The following CHST9 variants were observed in gnomAD, a reference collection of about 807,000 sequenced individuals.
The protein encoded by CHST9 is carbohydrate sulfotransferase 9, also known as GalNAc-4-sulfotransferase 2.
CHST9 carries 41 observed loss-of-function variants against 44.4 expected under a neutral mutation model. The ratio of observed to expected loss-of-function variants is 0.92; its 90% confidence interval spans 0.72 to 1.20. The LOEUF (loss-of-function observed/expected upper bound fraction) is 1.20. CHST9 is among the 50% of genes most tolerant of loss of function. The pLI, the probability that CHST9 is intolerant of heterozygous loss-of-function variation, is 0.00. For missense variants in CHST9, 504 were observed against 516.5 expected (o/e 0.98, Z 0.23); for synonymous variants, 171 against 178.4 (o/e 0.96, Z 0.33).
At chr18:26,931,930 G>A (rs1269978547) in intron 5 of CHST9, among the ~76,000 whole-genome samples, 1 of 151,924 alleles carries the variant, frequency 6.6e-6, no homozygotes, top group African/African-American at 2.4e-5. Flanking sequence ...CTCCAAAATG[G>A]TATGTCTCTC....
At chr18:27,122,945 A>G (rs1036142103) in intron 2 of CHST9, among the ~76,000 whole-genome samples, 1 of 152,204 alleles carries the variant, frequency 6.6e-6, no homozygotes, top group Non-Finnish European at 1.5e-5. Context: ...TAACTTCCTC[A>G]TGGTTTAGGT....
intron 2 of CHST9, among the ~76,000 whole-genome samples, chr18:27,120,803 T>A (rs2058367984): frequency 6.6e-6 from 1 of 152,180 alleles, no homozygotes; most frequent in Admixed American, 6.5e-5. Flanking sequence ...GATGGGAAAC[T>A]CAGCCACTGA....
intron 2 of CHST9, among the ~76,000 whole-genome samples, chr18:27,121,505 G>T (rs2058374188): frequency 6.6e-6 from 1 of 152,186 alleles, no homozygotes; most frequent in East Asian, 1.9e-4. Flanking sequence ...TATGGCAGCT[G>T]GTACATAGGT....
intron 2 of CHST9, among the ~76,000 whole-genome samples, chr18:27,128,428 C>T (rs925720380): frequency 3.9e-5 from 6 of 152,098 alleles, no homozygotes; most frequent in African/African-American, 9.7e-5. Flanking sequence ...TGCCATGACG[C>T]CCGGCTAATT....
intron 4 of CHST9, among the ~76,000 whole-genome samples, chr18:26,949,911 G>A (rs1156718000): frequency 6.6e-6 from 1 of 152,156 alleles, no homozygotes; most frequent in Non-Finnish European, 1.5e-5. Flanking sequence ...AAGTACTGTG[G>A]GCAACCTCTG....
At chr18:27,080,165 A>G (rs1312874359) in intron 2 of CHST9, among the ~76,000 whole-genome samples, 2 of 152,122 alleles carry the variant, frequency 1.3e-5, no homozygotes, top group Non-Finnish European at 2.9e-5. Flanking sequence ...GCTGGCAAAT[A>G]CTAAAATGAC....
chr18:27,166,416 C>CT (rs1282082096), intron 1 of CHST9, among the ~76,000 whole-genome samples: 1 of 152,110 alleles, frequency 6.6e-6, no homozygotes, highest in Non-Finnish European at 1.5e-5. Context: ...TAGCTGCATT[C>CT]TTTTTTTGTC....
chr18:26,985,953 C>A (rs1273133951), intron 4 of CHST9, among the ~76,000 whole-genome samples: 6 of 152,098 alleles, frequency 3.9e-5, no homozygotes, highest in Non-Finnish European at 5.9e-5. Context: ...AAAACAAGAA[C>A]CAAAGTGATC....
At chr18:26,970,644 A>T (rs1657317) in intron 4 of CHST9, among the ~76,000 whole-genome samples, 97,379 of 151,534 alleles carry the variant, frequency 0.64, 31,677 homozygotes, top group African/African-American at 0.73. Context: ...CCCAGGCAGG[A>T]CTTGAGCTTC....
At chr18:27,096,745 C>A (rs917303279) in intron 2 of CHST9, among the ~76,000 whole-genome samples, 28 of 151,884 alleles carry the variant, frequency 1.8e-4, no homozygotes, top group Admixed American at 1.4e-3. Flanking sequence ...GAAACTGAAA[C>A]ACTGAATAAA....
At chr18:27,161,078 T>G (rs1292846499) in intron 1 of CHST9, among the ~76,000 whole-genome samples, 1 of 152,132 alleles carries the variant, frequency 6.6e-6, no homozygotes, top group African/African-American at 2.4e-5. Context: ...GATTCATTGA[T>G]TTTTTGAAGG....
chr18:26,980,754 G>C (rs1034809042), intron 4 of CHST9, among the ~76,000 whole-genome samples: 3 of 152,134 alleles, frequency 2.0e-5, no homozygotes, highest in African/African-American at 7.2e-5. Flanking sequence ...GAAAAAAAAG[G>C]TTTTATAATT....
At chr18:27,046,583 C>T (rs748284184) in intron 3 of CHST9, among the ~76,000 whole-genome samples, 3 of 151,862 alleles carry the variant, frequency 2.0e-5, no homozygotes, top group Non-Finnish European at 2.9e-5. Context: ...AATAGGAGTT[C>T]CCATGATGTT....
At chr18:27,148,248 C>CTT (rs571410679) in intron 1 of CHST9, among the ~76,000 whole-genome samples, 307 of 150,898 alleles carry the variant, frequency 2.0e-3, no homozygotes, top group African/African-American at 7.1e-3. Flanking sequence ...ACCACATTTT[C>CTT]TTTTTTTTTA....
rs571410679 is a variant in CHST9, at chr18:27,148,248, C to CT, written c.-96-5344dup. ...CCATGGTATAGACGTACCACATTTT[C>CT]TTTTTTTTTAATTTTATTATTATTA... is the stretch of plus-strand genomic sequence containing the variant. On this transcript the variant is annotated intron_variant, in intron 1 of 5. Transcript: ENST00000618847. Among the ~76,000 whole-genome samples the CT allele has an allele frequency of 5.9e-3, 884 of 150,878 alleles. 6 individuals carry two copies. The highest frequency in any genetic ancestry group is 0.02 in the African/African-American group (841 of 41,112).
chr18:26,986,133 T>C (rs1366897604), intron 4 of CHST9, among the ~76,000 whole-genome samples: 1 of 152,024 alleles, frequency 6.6e-6, no homozygotes, highest in Non-Finnish European at 1.5e-5. Flanking sequence ...ATCAGAAAAA[T>C]AAATAAATCA....
chr18:26,919,006 C>A (rs950245401), intron 5 of CHST9, among the ~76,000 whole-genome samples: 5 of 152,064 alleles, frequency 3.3e-5, no homozygotes, highest in African/African-American at 1.2e-4. Flanking sequence ...AGAGCAAAGG[C>A]CTGTCTTATA....
intron 3 of CHST9, among the ~76,000 whole-genome samples, chr18:27,043,716 A>G (rs2057469899): frequency 6.6e-6 from 1 of 152,038 alleles, no homozygotes; most frequent in Non-Finnish European, 1.5e-5. Context: ...ACTTCCGCTG[A>G]GGTTTTTAGA....
intron 4 of CHST9, among the ~76,000 whole-genome samples, chr18:26,949,798 G>T (rs1466332720): frequency 6.6e-6 from 1 of 152,204 alleles, no homozygotes; most frequent in African/African-American, 2.4e-5. Context: ...AATCATAAGA[G>T]TCCTTATAAT....
Sources: gnomAD v4.1 joint callset for allele counts (sites outside exome capture counted in the v4.1 genomes callset) on GRCh38, gnomAD v4.1.1 for gene constraint, MANE v1.5 for transcripts, NCBI Gene and HGNC (gene_info 2026-07-23, HGNC 2026-07-21) for gene names.